Variants in CDKN2B-AS1 observed in about 807,000 individuals in gnomAD.
The protein encoded by CDKN2B-AS1 is CDKN2B antisense RNA 1 (non-protein coding).
intron 1 of CDKN2B-AS1, among the ~76,000 whole-genome samples, chr9:22,011,489 G>A (rs1821507209): frequency 1.3e-5 from 2 of 152,316 alleles, no homozygotes; most frequent in South Asian, 4.1e-4. Flanking sequence ...GAATTTGAGT[G>A]ACTTGTATAC....
chr9:22,113,284 C>G (rs1825850626), intron 4 of CDKN2B-AS1, among the ~76,000 whole-genome samples: 3 of 152,128 alleles, frequency 2.0e-5, no homozygotes, highest in African/African-American at 7.2e-5. Flanking sequence ...CCATATGATC[C>G]CCTCCATCTT....
intron 1 of CDKN2B-AS1, among the ~76,000 whole-genome samples, chr9:22,037,770 T>G (rs1465738565): frequency 6.6e-6 from 1 of 152,034 alleles, no homozygotes; most frequent in African/African-American, 2.4e-5. Flanking sequence ...AAGCAAGGTA[T>G]TTGGATTAAT....
In CDKN2B-AS1 at chr9:21,996,994, G is replaced by A. The variant is rs773544194; in HGVS notation, n.29+1833G>A. Among the ~76,000 whole-genome samples the A allele has an allele frequency of 2.0e-5, 3 of 152,184 alleles. No individual in the cohort carries two copies. The highest frequency in any genetic ancestry group is 2.9e-5 in the Non-Finnish European group (2 of 68,036). On this transcript the variant is annotated intron_variant and non_coding_transcript_variant, in intron 1 of 4. Coordinates refer to ENST00000650946, the Ensembl canonical transcript of CDKN2B-AS1. The surrounding 1 kb of genome is among the most constrained non-coding windows in gnomAD (Gnocchi z 5.4). The stretch of plus-strand genomic sequence containing the variant: ...ACCCATTGTGTGTGTGTGCGTGCCA[G>A]TACCACACATATGTATATGTATATA...
At chr9:22,056,039 AT>A (rs924788580) in intron 3 of CDKN2B-AS1, among the ~76,000 whole-genome samples, 80 of 146,666 alleles carry the variant, frequency 5.5e-4, no homozygotes, top group African/African-American at 1.9e-3. Context: ...GGTTACATAG[AT>A]TTTTTTTTCT....
chr9:22,121,380 CTG>C (rs1826100030), intron 4 of CDKN2B-AS1, among the ~76,000 whole-genome samples: 1 of 144,542 alleles, frequency 6.9e-6, no homozygotes. Context: ...TAAAAAAAAA[CTG>C]TACAAAATTC....
chr9:22,083,103 G>A (rs1824754090), intron 4 of CDKN2B-AS1, among the ~76,000 whole-genome samples: 2 of 152,278 alleles, frequency 1.3e-5, no homozygotes, highest in African/African-American at 4.8e-5. Context: ...TATATGCCAT[G>A]CCCTGTACTA....
chr9:22,005,913 A>G lies in CDKN2B-AS1; in HGVS notation n.29+10752A>G. 1 of 1,565,478 alleles carries G rather than the reference A, an allele frequency of 6.4e-7. No individual in the cohort carries two copies. The highest frequency in any genetic ancestry group is 8.6e-7 in the Non-Finnish European group (1 of 1,160,978). On this transcript the variant is annotated intron_variant and non_coding_transcript_variant, in intron 1 of 4. Coordinates refer to ENST00000650946, the Ensembl canonical transcript of CDKN2B-AS1. The surrounding 1 kb of genome is among the most constrained non-coding windows in gnomAD (Gnocchi z 4.9). ...CCGCCGCTCCCCGTTGGCAGCCTTC[A>G]TCGAATTAGGTGGGTGGGGGTGGGA...
chr9:22,071,674 C>T (rs963698480), intron 4 of CDKN2B-AS1, among the ~76,000 whole-genome samples: 2 of 152,116 alleles, frequency 1.3e-5, no homozygotes. Flanking sequence ...TGGAAGTACA[C>T]TCAATTTTCA....
At chr9:22,111,000 G>A (rs1240154454) in intron 4 of CDKN2B-AS1, among the ~76,000 whole-genome samples, 1 of 152,138 alleles carries the variant, frequency 6.6e-6, no homozygotes, top group Non-Finnish European at 1.5e-5. Context: ...ATTGATGTGT[G>A]TAGCTATAGT....
chr9:22,082,585 G>A (rs905113283), intron 4 of CDKN2B-AS1, among the ~76,000 whole-genome samples: 12 of 152,152 alleles, frequency 7.9e-5, no homozygotes, highest in Admixed American at 7.9e-4. Flanking sequence ...TGACTAATTC[G>A]TAGCCAGTAC....
chr9:22,083,113 A>G (rs1206619538), intron 4 of CDKN2B-AS1, among the ~76,000 whole-genome samples: 1 of 152,238 alleles, frequency 6.6e-6, no homozygotes, highest in African/African-American at 2.4e-5. Context: ...GCCCTGTACT[A>G]AGAACTATAC....
intron 4 of CDKN2B-AS1, among the ~76,000 whole-genome samples, chr9:22,060,905 C>T (rs1017815162): frequency 1.4e-4 from 22 of 152,242 alleles, no homozygotes; most frequent in African/African-American, 5.1e-4. Flanking sequence ...CGAGAAAGAT[C>T]GGCCCTCGGG....
intron 4 of CDKN2B-AS1, among the ~76,000 whole-genome samples, chr9:22,086,480 A>C (rs1057204184): frequency 6.6e-6 from 1 of 152,226 alleles, no homozygotes; most frequent in Non-Finnish European, 1.5e-5. Context: ...CGTGAGATGA[A>C]GATGCCCCTC....
chr9:22,098,703 G>A (rs944836754), intron 4 of CDKN2B-AS1, among the ~76,000 whole-genome samples: 1 of 152,104 alleles, frequency 6.6e-6, no homozygotes, highest in East Asian at 1.9e-4. Flanking sequence ...TCTTAGATGA[G>A]GAAACCAAGT....
chr9:22,098,153 GTC>G (rs1348788124), intron 4 of CDKN2B-AS1, among the ~76,000 whole-genome samples: 2 of 134,714 alleles, frequency 1.5e-5, no homozygotes, highest in African/African-American at 3.7e-5. Context: ...TTCTCTCTCT[GTC>G]TCTGTGTGTG....
At chr9:22,061,195 C>G (rs757607527) in intron 4 of CDKN2B-AS1, among the ~76,000 whole-genome samples, 3 of 152,158 alleles carry the variant, frequency 2.0e-5, no homozygotes, top group Non-Finnish European at 4.4e-5. Flanking sequence ...GCAACCATGA[C>G]CATCACAGCT....
At chr9:22,090,773 G>T (rs1587517417) in intron 4 of CDKN2B-AS1, among the ~76,000 whole-genome samples, 1 of 152,066 alleles carries the variant, frequency 6.6e-6, no homozygotes. Flanking sequence ...CCATTCTGTA[G>T]GTTGGCTGTT....
At chr9:22,097,852 T>A (rs971863147) in intron 4 of CDKN2B-AS1, among the ~76,000 whole-genome samples, 79 of 152,226 alleles carry the variant, frequency 5.2e-4, no homozygotes, top group Non-Finnish European at 2.6e-4. Context: ...TGCAATTTCT[T>A]TGACCCTGGC....
intron 4 of CDKN2B-AS1, among the ~76,000 whole-genome samples, chr9:22,107,216 G>A (rs949127772): frequency 9.2e-5 from 14 of 152,278 alleles, no homozygotes; most frequent in East Asian, 3.9e-4. Flanking sequence ...TGTGAAAGTG[G>A]TTCTAAGAAA....
Sources: allele counts gnomAD v4.1 joint callset (sites outside exome capture counted in the v4.1 genomes callset), GRCh38; gene constraint gnomAD v4.1.1; non-coding constraint Gnocchi (gnomAD v3.1); transcripts MANE v1.5; gene names NCBI Gene and HGNC (gene_info 2026-07-23, HGNC 2026-07-21).